The following RASAL1 variants were observed in gnomAD, a reference collection of about 807,000 sequenced individuals.
RASAL1 encodes the protein RAS protein activator like 1.
Under a neutral mutation model 96.6 loss-of-function variants are expected in RASAL1, and 72 were observed. The observed-to-expected ratio is 0.75, with a 90% CI of 0.62 to 0.91. The LOEUF (loss-of-function observed/expected upper bound fraction) is 0.91, where lower values mean the gene tolerates loss of function less well. Ranked by LOEUF, RASAL1 falls within the 40% of genes least tolerant of loss-of-function variation. The pLI is 0.00. For synonymous variants in RASAL1, 405 were observed against 430.4 expected (o/e 0.94, Z 0.73); for missense variants, 1,016 against 1,072.5 (o/e 0.95, Z 0.74).
At chr12:113,103,766 A>T in intron 18 of RASAL1, 180 bp downstream of exon 18, 2 of 809,274 alleles carry the variant, frequency 2.5e-6, no homozygotes, top group Non-Finnish European at 3.9e-6. Flanking sequence ...CAAGTCATTT[A>T]ATTATCACAA....
chr12:113,100,076 GGA>G lies in RASAL1; in HGVS notation c.2279-10_2279-9del. ...GGACCTCAGGACAGGCCCCTAGGAGGGAGACAAGAGGCCACAGGGGCTCAGCC... is the reference window on the plus strand; with the variant it reads ...GGACCTCAGGACAGGCCCCTAGGAGGGACAAGAGGCCACAGGGGCTCAGCC... On this transcript the variant is annotated splice_polypyrimidine_tract_variant and intron_variant, in intron 20 of 20. Coordinates refer to ENST00000548055, the MANE Select transcript of RASAL1 (RefSeq NM_001301202.2). 1 of 1,593,362 alleles carries G rather than the reference GGA, an allele frequency of 6.3e-7. No homozygotes were observed. Among genetic ancestry groups the G allele is most frequent in the Non-Finnish European group, 8.6e-7 (1 of 1,168,350 alleles).
In RASAL1 at chr12:113,105,872, C is replaced by T. The variant is rs533477147; in HGVS notation, c.1672G>A (p.Ala558Thr). ...GCCGAGGGCGGGAACAGGGCCCTGG[C>T]TGGGACACCAGCTTCTAGGAGATGG... ...VDGDEEAGVP[A>T]RALFPPSAIV... Residue 558 changes from alanine to threonine, a missense_variant, in exon 16 of 21, where the codon GCC becomes ACC. Transcript: ENST00000548055. The T allele has an allele frequency of 2.5e-6, 4 of 1,613,280 alleles. No homozygotes were observed. The East Asian group carries it at 6.7e-5, about 27-fold the overall frequency.
intron 18 of RASAL1, 117 bp from the exon 19 acceptor site, chr12:113,102,126 T>C: frequency 1.6e-6 from 2 of 1,284,232 alleles, no homozygotes; most frequent in East Asian, 2.4e-5. Context: ...TCAAACCTAC[T>C]ACTTCTAGGC....
At chr12:113,117,203 T>C in intron 7 of RASAL1, 42 bp from the exon 8 acceptor site, 1 of 1,425,738 alleles carries the variant, frequency 7.0e-7, no homozygotes, top group South Asian at 1.2e-5. Flanking sequence ...GGCCCTGGCC[T>C]GCCCTGCCCT....
intron 13 of RASAL1, 142 bp downstream of exon 13, chr12:113,111,944 G>A: frequency 2.8e-6 from 2 of 719,120 alleles, no homozygotes; most frequent in Non-Finnish European, 3.8e-6. Flanking sequence ...ACCCTGCCAG[G>A]AACGCTGTCC....
chr12:113,116,037 G>A lies in RASAL1; in HGVS notation c.746C>T (p.Ala249Val), dbSNP rs1286397697. 6.3e-7 allele frequency: 1 copy of A among 1,591,878 alleles called. No individual in the cohort carries two copies. The highest frequency in any genetic ancestry group is 1.1e-5 in the South Asian group (1 of 87,460). The change falls in exon 9 of 21, where the codon GCC (alanine) becomes GTC (valine). Residue 249 changes from alanine to valine, a missense_variant. Coordinates refer to ENST00000548055, the MANE Select transcript of RASAL1 (RefSeq NM_001301202.2). ...AATCAGGCGTACCTTCACTCGCAGG[G>A]CACCCAGGTTCCCCCTGTCCAGGAT... ...AEEDSGGNLG[A>V]LRVKVRLIED...
At position 113,128,092 on chromosome 12, in the gene RASAL1, A is replaced by T. The variant is rs2136244580; in HGVS notation, c.209T>A (p.Phe70Tyr). The change falls in exon 3 of 21, where the codon TTC becomes TAC. Residue 70 changes from phenylalanine to tyrosine, a missense_variant. Physicochemically the swap from Phe to Tyr is conservative, Grantham distance 22. Coordinates refer to ENST00000548055, the MANE Select transcript of RASAL1 (RefSeq NM_001301202.2). Reference protein sequence around the residue: ...HLPLDFHQLAFYVLDEDTVGH... With the variant: ...HLPLDFHQLAYYVLDEDTVGH... ...GACAGTGTCCTCATCCAGCACGTAG[A>T]AGGCCAGCTGGTGGAAATCCAGAGG... is the stretch of plus-strand genomic sequence containing the variant. 3 of 1,613,966 alleles carry T rather than the reference A, an allele frequency of 1.9e-6. No individual in the cohort carries two copies. The highest frequency in any genetic ancestry group is 2.5e-6 in the Non-Finnish European group (3 of 1,179,980).
At chr12:113,102,418 C>A (rs550316945) in intron 18 of RASAL1, among the ~76,000 whole-genome samples, 1 of 152,182 alleles carries the variant, frequency 6.6e-6, no homozygotes, top group African/African-American at 2.4e-5. Context: ...ATTAGCCAGG[C>A]GTGGTGGCTC....
At chr12:113,121,185 A>T (rs1050134051) in intron 5 of RASAL1, among the ~76,000 whole-genome samples, 4 of 152,216 alleles carry the variant, frequency 2.6e-5, no homozygotes, top group Non-Finnish European at 4.4e-5. Context: ...CATATAAGCC[A>T]ATAAAGTAGC....
At chr12:113,122,073 G>T (rs567872279) in intron 4 of RASAL1, among the ~76,000 whole-genome samples, 1 of 152,158 alleles carries the variant, frequency 6.6e-6, no homozygotes, top group East Asian at 1.9e-4. Flanking sequence ...TATAGGTGCT[G>T]TAATTATCCC....
At chr12:113,122,256 A>G (rs1313527368) in intron 4 of RASAL1, among the ~76,000 whole-genome samples, 1 of 152,158 alleles carries the variant, frequency 6.6e-6, no homozygotes, top group Non-Finnish European at 1.5e-5. Context: ...GAACTTCATC[A>G]TGTAATCCCA....
Position 113,130,840 on chromosome 12 carries a change from A to G in RASAL1, c.122+45T>C, listed in dbSNP as rs776753979. 1.4e-5 allele frequency: 22 copies of G among 1,536,800 alleles called. No individual in the cohort carries two copies. The South Asian group carries it at 2.1e-4, about 14-fold the overall frequency. On this transcript the variant is annotated intron_variant, in intron 2 of 20. Transcript: ENST00000548055. The surrounding 1 kb of genome is among the most constrained non-coding windows in gnomAD (Gnocchi z 5.1). ...GGTCCCAGATTCCCCAGGTCTAGAA[A>G]GAGACCCCTCCCTTCCTCCTCTCCC...
At position 113,102,136 on chromosome 12, in the gene RASAL1, C is replaced by A. The variant is rs1017155546; in HGVS notation, c.2105-127G>T. 8 of 1,186,374 alleles carry A rather than the reference C, an allele frequency of 6.7e-6. No individual in the cohort carries two copies. The Admixed American group carries it at 1.8e-4, about 27-fold the overall frequency. The allele number at this position is 1,186,374 out of a possible 1,614,324, so 73.5% of individuals were successfully genotyped here. A position where few individuals can be genotyped will look rare whatever the true frequency, so the allele number is the denominator to read the frequency against. ...CCTCCTCAAACCTACTACTTCTAGGCCACACACGGTGGCTCATGCCTGTAA... is the reference window on the plus strand; with the variant it reads ...CCTCCTCAAACCTACTACTTCTAGGACACACACGGTGGCTCATGCCTGTAA... On this transcript the variant is annotated intron_variant, in intron 18 of 20. Transcript: ENST00000548055.
rs748803822 is a variant in RASAL1 at position 113,101,938 on chromosome 12, C to G, written c.2176G>C (p.Glu726Gln). Residue 726 changes from glutamate (E) to glutamine (Q), a missense_variant, in exon 19 of 21, where the codon GAG becomes CAG. Glu to Gln is a conservative substitution (Grantham distance 29, BLOSUM62 2). Transcript: ENST00000548055. ...AGCTGCCGATACACTGTCTGGGCCT[C>G]AGCATCAGGATCCAGTGGGTCACTC... ...DWSDPLDPDA[E>Q]AQTVYRQLLL... The G allele has an allele frequency of 6.2e-7, 1 of 1,614,164 alleles. No homozygotes were observed. The highest frequency in any genetic ancestry group is 1.1e-5 in the South Asian group (1 of 91,070).
chr12:113,127,523 A>C (rs534568397), intron 4 of RASAL1, among the ~76,000 whole-genome samples: 149 of 152,134 alleles, frequency 9.8e-4, no homozygotes, highest in African/African-American at 3.5e-3. Flanking sequence ...GGTGGTGTGC[A>C]CCTGTAATCC....
At chr12:113,116,803 G>C (rs2136189259) in intron 8 of RASAL1, among the ~76,000 whole-genome samples, 1 of 152,354 alleles carries the variant, frequency 6.6e-6, no homozygotes, top group East Asian at 1.9e-4. Context: ...AGAATGAACA[G>C]TATGGAGAGG....
rs200287877 is a variant in RASAL1, at chr12:113,109,029, G to GTTT, written c.1375-810_1375-808dup. 8.3e-5 allele frequency among the ~76,000 whole-genome samples: 6 copies of GTTT among 72,478 alleles called. No homozygotes were observed. The South Asian group carries it at 1.5e-3, about 18-fold the overall frequency. 47.5% of individuals were successfully genotyped at this position (72,478 alleles called of 152,430 possible). ...TTTGTTTTGCTTTTTTTGTTTTTAG[G>GTTT]TTTTTTTGTGTGTGTTTTTTTTTTT... On this transcript the variant is annotated intron_variant, in intron 13 of 20. Transcript: ENST00000548055.
chr12:113,131,361 G>A (rs1209809675), intron 1 of RASAL1, among the ~76,000 whole-genome samples: 1 of 152,090 alleles, frequency 6.6e-6, no homozygotes, highest in Non-Finnish European at 1.5e-5. Flanking sequence ...AATCAGGTGT[G>A]ATGCTCACAT....
intron 19 of RASAL1, among the ~76,000 whole-genome samples, chr12:113,101,477 C>T (rs1469960643): frequency 1.3e-4 from 20 of 152,238 alleles, no homozygotes; most frequent in East Asian, 1.2e-3. Flanking sequence ...GGCCAGGTCA[C>T]GATTTGAACC....
Sources: gnomAD v4.1 joint callset for allele counts (sites outside exome capture counted in the v4.1 genomes callset) on GRCh38, gnomAD v4.1.1 for gene constraint, Gnocchi (gnomAD v3.1) non-coding constraint, MANE v1.5 for transcripts, NCBI Gene and HGNC (gene_info 2026-07-23, HGNC 2026-07-21) for gene names.